DIS3L2: variants seen among roughly 807,000 people sequenced by gnomAD.
The protein encoded by DIS3L2 is DIS3-like exonuclease 2.
A neutral mutation model predicts 97.5 loss-of-function variants in DIS3L2; 34 were observed. The ratio of observed to expected loss-of-function variants is 0.35; its 90% CI spans 0.27 to 0.46. The LOEUF is 0.46. DIS3L2 is among the 20% of genes least tolerant of loss of function. DIS3L2 has a pLI of 1.00. For synonymous variants in DIS3L2, 435 were observed against 445.2 expected (o/e 0.98, Z 0.29); for missense variants, 1,038 against 1,146.0 (o/e 0.91, Z 1.36).
intron 1 of DIS3L2, among the ~76,000 whole-genome samples, chr2:231,990,596 C>T (rs1016004121): frequency 2.6e-5 from 4 of 152,076 alleles, no homozygotes; most frequent in Admixed American, 2.0e-4. Flanking sequence ...AAACAATTTC[C>T]ACCTTATAAC....
At chr2:232,157,157 A>T (rs938671233) in intron 8 of DIS3L2, among the ~76,000 whole-genome samples, 8 of 152,168 alleles carry the variant, frequency 5.3e-5, no homozygotes, top group Non-Finnish European at 1.0e-4. Context: ...GGGTTCTTGT[A>T]GTCTCAGATT....
intron 10 of DIS3L2, among the ~76,000 whole-genome samples, chr2:232,231,451 C>T: frequency 6.6e-6 from 1 of 152,206 alleles, no homozygotes; most frequent in East Asian, 1.9e-4. Flanking sequence ...TGCTGTCCTC[C>T]AAGGAGATGG....
intron 1 of DIS3L2, among the ~76,000 whole-genome samples, chr2:232,001,746 G>A (rs1469590569): frequency 7.8e-5 from 6 of 76,746 alleles, no homozygotes; most frequent in Non-Finnish European, 1.7e-4. Flanking sequence ...TTGAGATGGA[G>A]TTTTATTCTT....
In DIS3L2 at chr2:232,329,798, AC is replaced by A; in HGVS notation, c.1740-12del. On this transcript the variant is annotated splice_polypyrimidine_tract_variant and intron_variant, in intron 14 of 20. Coordinates refer to ENST00000325385, the MANE Select transcript of DIS3L2 (RefSeq NM_152383.5). ...AAACCCCAGCGGTCCCTCCCATCCC[AC>A]CCACCCTCTGCAGGCTCGTGGAGGA... The A allele has an allele frequency of 1.7e-5, 3 of 176,628 alleles. No homozygotes were observed. Among genetic ancestry groups the A allele is most frequent in the South Asian group, 1.2e-4 (2 of 17,390 alleles). 10.9% of individuals were successfully genotyped at this position (176,628 alleles called of 1,614,324 possible).
chr2:232,332,959 T>C (rs1250965974), intron 16 of DIS3L2, among the ~76,000 whole-genome samples: 1 of 151,816 alleles, frequency 6.6e-6, no homozygotes, highest in Non-Finnish European at 1.5e-5. Flanking sequence ...TTTCTCTCCC[T>C]CCTCCCACTC....
At chr2:232,104,122 T>G (rs1697289462) in intron 6 of DIS3L2, among the ~76,000 whole-genome samples, 1 of 152,210 alleles carries the variant, frequency 6.6e-6, no homozygotes, top group Non-Finnish European at 1.5e-5. Flanking sequence ...GAATTTCTTT[T>G]AGATATGGTA....
At chr2:232,076,588 G>A (rs1696193864) in intron 5 of DIS3L2, among the ~76,000 whole-genome samples, 2 of 152,170 alleles carry the variant, frequency 1.3e-5, no homozygotes, top group African/African-American at 4.8e-5. Flanking sequence ...AGTATTTTAA[G>A]CCTTTTCTTC....
At chr2:232,280,171 T>C (rs1694245121) in intron 13 of DIS3L2, among the ~76,000 whole-genome samples, 1 of 152,212 alleles carries the variant, frequency 6.6e-6, no homozygotes. Context: ...CCTAGAAGTT[T>C]CTTTTGGAAA....
At chr2:232,097,578 C>G (rs1467619463) in intron 6 of DIS3L2, among the ~76,000 whole-genome samples, 2 of 152,118 alleles carry the variant, frequency 1.3e-5, no homozygotes, top group Admixed American at 1.3e-4. Flanking sequence ...ACTTAAGGCC[C>G]AAGGGCTCCT....
intron 13 of DIS3L2, among the ~76,000 whole-genome samples, chr2:232,280,757 C>T (rs1694260710): frequency 1.3e-5 from 2 of 152,210 alleles, no homozygotes. Flanking sequence ...CCTCCATACA[C>T]TGCAGCCGAA....
intron 5 of DIS3L2, among the ~76,000 whole-genome samples, chr2:232,073,459 A>G (rs1006626187): frequency 6.6e-6 from 1 of 152,230 alleles, no homozygotes; most frequent in African/African-American, 2.4e-5. Flanking sequence ...CCATAATACC[A>G]AGTTGATAGC....
At chr2:232,223,947 A>G (rs940945188) in intron 10 of DIS3L2, among the ~76,000 whole-genome samples, 15 of 152,148 alleles carry the variant, frequency 9.9e-5, no homozygotes, top group Non-Finnish European at 2.1e-4. Flanking sequence ...AATTAGCTGG[A>G]TGTGGTGGTG....
intron 12 of DIS3L2, among the ~76,000 whole-genome samples, chr2:232,257,502 C>A (rs1461061283): frequency 6.6e-6 from 1 of 152,186 alleles, no homozygotes; most frequent in East Asian, 1.9e-4. Context: ...CACTCCACCT[C>A]CCTCCCACCC....
chr2:232,018,901 C>T (rs1694430774), intron 3 of DIS3L2, among the ~76,000 whole-genome samples: 1 of 151,970 alleles, frequency 6.6e-6, no homozygotes. Flanking sequence ...AATAAATTCT[C>T]ACATCAAAAA....
chr2:232,086,645 GTATATATA>G (rs1308028353), intron 5 of DIS3L2, among the ~76,000 whole-genome samples: 3 of 51,224 alleles, frequency 5.9e-5, no homozygotes, highest in East Asian at 4.9e-4. Context: ...ATATATATAT[GTATATATA>G]TATATATGTG....
intron 5 of DIS3L2, among the ~76,000 whole-genome samples, chr2:232,086,257 ACG>A (rs1210285336): frequency 6.6e-6 from 1 of 150,832 alleles, no homozygotes; most frequent in African/African-American, 2.4e-5. Flanking sequence ...ACACGTATAG[ACG>A]TGTATACGTG....
intron 6 of DIS3L2, among the ~76,000 whole-genome samples, chr2:232,094,611 G>A (rs570851709): frequency 2.0e-5 from 3 of 151,896 alleles, no homozygotes; most frequent in East Asian, 1.9e-4. Context: ...CCCAGCTACT[G>A]GGGAGGTGGA....
intron 5 of DIS3L2, among the ~76,000 whole-genome samples, chr2:232,058,927 T>C (rs1270818694): frequency 6.6e-6 from 1 of 152,254 alleles, no homozygotes; most frequent in Non-Finnish European, 1.5e-5. Flanking sequence ...TTTTTATTTG[T>C]GCCCATTTTC....
intron 13 of DIS3L2, among the ~76,000 whole-genome samples, chr2:232,287,401 C>T (rs1458759281): frequency 1.2e-5 from 1 of 86,160 alleles, no homozygotes; most frequent in Admixed American, 1.0e-4. Flanking sequence ...CCCCCCCCCC[C>T]CCGCTTTTAT....
Sources: gnomAD v4.1 joint callset for allele counts (sites outside exome capture counted in the v4.1 genomes callset) on GRCh38, gnomAD v4.1.1 for gene constraint, MANE v1.5 for transcripts, NCBI Gene and HGNC (gene_info 2026-07-23, HGNC 2026-07-21) for gene names.